Variants in BTLA observed in about 807,000 individuals in gnomAD.
BTLA encodes B and T lymphocyte associated.
BTLA carries 11 observed loss-of-function variants against 25.0 expected under a neutral mutation model. The observed-to-expected ratio is 0.44, with a 90% CI of 0.28 to 0.73. BTLA has a LOEUF of 0.73. Among genes scored for constraint, BTLA ranks in the 30% least tolerant of loss-of-function variants. The pLI is 0.15. For missense variants in BTLA, 282 were observed against 332.8 expected (o/e 0.85, Z 1.19); for synonymous variants, 104 against 119.8 (o/e 0.87, Z 0.86).
chr3:112,481,447 C>G (rs1296980503), intron 1 of BTLA, among the ~76,000 whole-genome samples: 1 of 152,222 alleles, frequency 6.6e-6, no homozygotes, highest in Non-Finnish European at 1.5e-5. Context: ...TTGAACTGCA[C>G]CTGGGCTCAC....
chr3:112,491,135 C>T (rs142729936), intron 1 of BTLA, among the ~76,000 whole-genome samples: 90 of 152,288 alleles, frequency 5.9e-4, no homozygotes, highest in African/African-American at 2.1e-3. Context: ...GTCCCCATGT[C>T]ATTTCCTCTC....
rs576152261 is a variant in BTLA at position 112,477,680 on chromosome 3, T to C, written c.403+1775A>G. 3.3e-5 allele frequency among the ~76,000 whole-genome samples: 5 copies of C among 152,216 alleles called. No homozygotes were observed. In the South Asian group the frequency reaches 1.0e-3, roughly 32 times the overall value. On this transcript the variant is annotated intron_variant, in intron 2 of 4. Coordinates refer to ENST00000334529, the MANE Select transcript of BTLA (RefSeq NM_181780.4). The stretch of plus-strand genomic sequence containing the variant: ...TAAGAAAACACTGCTAAATCCAAGA[T>C]CAGAAACATTTATCCCTATGTTTTC...
intron 1 of BTLA, among the ~76,000 whole-genome samples, chr3:112,487,949 A>G (rs771244805): frequency 1.3e-5 from 2 of 152,188 alleles, no homozygotes; most frequent in Non-Finnish European, 2.9e-5. Flanking sequence ...GTATAATACC[A>G]TCATCTACCT....
intron 1 of BTLA, among the ~76,000 whole-genome samples, chr3:112,493,651 C>T (rs749265039): frequency 6.6e-6 from 1 of 152,098 alleles, no homozygotes; most frequent in Non-Finnish European, 1.5e-5. Context: ...ACAGGCGTGT[C>T]CCACCACGCC....
In BTLA at chr3:112,469,784, C is replaced by T. The variant is rs1352162580; in HGVS notation, c.568G>A (p.Asp190Asn). Residue 190 changes from aspartate (D) to asparagine (N), a missense_variant, in exon 4 of 5, where the codon GAC becomes AAC. By Grantham distance (23) the Asp-to-Asn change is conservative. Around this residue, in one of 2 missense-constraint regions of BTLA, gnomAD observed 163 missense variants for 230.4 expected, o/e 0.71. Coordinates refer to ENST00000334529, the MANE Select transcript of BTLA (RefSeq NM_181780.4). ...AGGTTAATTTCCCTTCCTGCTGTGTCAGAGAGTTCATTTTGCTTTCCTGGA... is the reference window on the plus strand; with the variant it reads ...AGGTTAATTTCCCTTCCTGCTGTGTTAGAGAGTTCATTTTGCTTTCCTGGA... ...RHQGKQNELSDTAGREINLVD... is the reference protein window; with the variant it reads ...RHQGKQNELSNTAGREINLVD... The T allele has an allele frequency of 6.2e-7, 1 of 1,610,820 alleles. No individual in the cohort carries two copies. The highest frequency in any genetic ancestry group is 1.3e-5 in the African/African-American group (1 of 74,692).
intron 1 of BTLA, among the ~76,000 whole-genome samples, chr3:112,495,328 C>T (rs1028464982): frequency 1.3e-5 from 2 of 152,124 alleles, no homozygotes; most frequent in African/African-American, 2.4e-5. Flanking sequence ...ATTACAAATG[C>T]CTGTAAATAT....
chr3:112,466,486 T>C lies in BTLA; in HGVS notation c.595-103A>G, dbSNP rs2082228137. ...AAAGCTTAAATGGAGTCATGTCCATTGTGAGAAATAATCTACTGTTCCTCA... is the reference window on the plus strand; with the variant it reads ...AAAGCTTAAATGGAGTCATGTCCATCGTGAGAAATAATCTACTGTTCCTCA... On this transcript the variant is annotated intron_variant, in intron 4 of 4. Coordinates refer to ENST00000334529, the MANE Select transcript of BTLA (RefSeq NM_181780.4). 4 of 1,090,708 alleles carry C rather than the reference T, an allele frequency of 3.7e-6. No homozygotes were observed. The South Asian group carries it at 5.9e-5, about 16-fold the overall frequency. 67.6% of individuals were successfully genotyped at this position (1,090,708 alleles called of 1,614,324 possible).
rs867867698 is a variant in BTLA at position 112,466,969 on chromosome 3, T to C, written c.595-586A>G. 6.4e-3 allele frequency among the ~76,000 whole-genome samples: 800 copies of C among 124,036 alleles called. 9 individuals are homozygous for C. The highest frequency in any genetic ancestry group is 0.019 in the African/African-American group (740 of 38,036). The allele number at this position is 124,036 out of a possible 152,430, so 81.4% of individuals were successfully genotyped here. ...AAAAGAAAATTCTTCTTTTTTTTTT[T>C]TTTTTTTGAGACGGAGTCTTGCCTA... On this transcript the variant is annotated intron_variant, in intron 4 of 4. Transcript: ENST00000334529.
chr3:112,497,835 A>C (rs918888160), intron 1 of BTLA, among the ~76,000 whole-genome samples: 8 of 152,188 alleles, frequency 5.3e-5, no homozygotes, highest in African/African-American at 9.7e-5. Flanking sequence ...TTAAAATTGC[A>C]GTAGCCAAAC....
At position 112,464,873 on chromosome 3, in the gene BTLA, A is replaced by G. The variant is rs1437335275; in HGVS notation, c.*1235T>C. The G allele has an allele frequency of 6.6e-6, 1 of 152,068 alleles. No homozygotes were observed. The highest frequency in any genetic ancestry group is 1.5e-5 in the Non-Finnish European group (1 of 68,012). The allele number at this position is 152,068 out of a possible 1,614,324, so 9.4% of individuals were successfully genotyped here. A position where few individuals can be genotyped will look rare whatever the true frequency, so the allele number is the denominator to read the frequency against. On this transcript the variant is annotated 3_prime_UTR_variant, in exon 5 of 5. Transcript: ENST00000334529. ...CAGCTCAGCTCACATATTTGTTGAA[A>G]TGGATTTTAACCTTTGCTATCCACT...
intron 1 of BTLA, among the ~76,000 whole-genome samples, chr3:112,485,666 G>A (rs1160884890): frequency 6.6e-6 from 1 of 152,086 alleles, no homozygotes; most frequent in Admixed American, 6.5e-5. Context: ...GGGTTCAAGC[G>A]ATTCTCCTGC....
intron 1 of BTLA, among the ~76,000 whole-genome samples, chr3:112,483,498 C>A (rs1448692116): frequency 1.3e-5 from 2 of 151,966 alleles, no homozygotes; most frequent in Non-Finnish European, 2.9e-5. Context: ...TACTATATAC[C>A]AGTCTTTATT....
chr3:112,499,164 A>G lies in BTLA; in HGVS notation c.88+107T>C, dbSNP rs538017242. 4.8e-5 allele frequency: 37 copies of G among 767,848 alleles called. No individual in the cohort carries two copies. The South Asian group carries it at 6.6e-4, about 14-fold the overall frequency. 47.6% of individuals were successfully genotyped at this position (767,848 alleles called of 1,614,324 possible). On this transcript the variant is annotated intron_variant, in intron 1 of 4. Coordinates refer to ENST00000334529, the MANE Select transcript of BTLA (RefSeq NM_181780.4). ...TAACAGCTTGGTTTCATCTACGATT[A>G]CCCACTTCGTATAAACGTTACACCG...
chr3:112,499,212 T>C, intron 1 of BTLA, 59 bp downstream of exon 1: 1 of 1,201,480 alleles, frequency 8.3e-7, no homozygotes, highest in Non-Finnish European at 1.2e-6. Context: ...CAAGGGAGAA[T>C]GTTGCCTCCA....
intron 2 of BTLA, among the ~76,000 whole-genome samples, chr3:112,472,712 T>C (rs555085188): frequency 6.6e-6 from 1 of 152,164 alleles, no homozygotes; most frequent in African/African-American, 2.4e-5. Context: ...AAAAATTCTA[T>C]TAATTATATT....
intron 3 of BTLA, among the ~76,000 whole-genome samples, chr3:112,470,626 A>C (rs927128736): frequency 1.3e-5 from 2 of 152,232 alleles, no homozygotes; most frequent in African/African-American, 4.8e-5. Context: ...GAAAGGAATT[A>C]TTTTCAAAAT....
chr3:112,480,528 C>G (rs1479369751), intron 1 of BTLA, among the ~76,000 whole-genome samples: 2 of 152,190 alleles, frequency 1.3e-5, no homozygotes, highest in Non-Finnish European at 2.9e-5. Context: ...AGCATGGTGC[C>G]AGCATCTAGC....
In BTLA at chr3:112,466,372, G is replaced by A. The variant is rs2082227080; in HGVS notation, c.606C>T (p.His202=). 1.2e-6 allele frequency: 2 copies of A among 1,600,872 alleles called. No homozygotes were observed. The highest frequency in any genetic ancestry group is 2.7e-5 in the African/African-American group (2 of 74,542). ...AGREINLVDA[H]LKSEQTEAST... is the part of the protein sequence containing the mutation. The stretch of plus-strand genomic sequence containing the variant: ...TTGCTTCTGTTTGCTCACTCTTAAG[G>A]TGAGCATCAACCTACAATAGAAAAA... Residue 202 remains histidine, a synonymous_variant, in exon 5 of 5, where the codon CAC becomes CAT. Transcript: ENST00000334529.
At chr3:112,484,641 G>A (rs1265711977) in intron 1 of BTLA, among the ~76,000 whole-genome samples, 1 of 152,176 alleles carries the variant, frequency 6.6e-6, no homozygotes, top group Non-Finnish European at 1.5e-5. Flanking sequence ...GCTATCACTT[G>A]ATGTTAGTGG....
Sources: allele counts gnomAD v4.1 joint callset (sites outside exome capture counted in the v4.1 genomes callset), GRCh38; gene constraint gnomAD v4.1.1; regional missense constraint gnomAD v4.1.1; transcripts MANE v1.5; gene names NCBI Gene and HGNC (gene_info 2026-07-23, HGNC 2026-07-21).